Variants in APCDD1L observed in about 807,000 individuals in gnomAD.
The protein encoded by APCDD1L is protein APCDD1-like.
APCDD1L carries 21 observed loss-of-function variants against 24.2 expected under a neutral mutation model. The observed-to-expected ratio is 0.87, with a 90% CI of 0.61 to 1.25. APCDD1L has a LOEUF of 1.25. Ranked by LOEUF, APCDD1L falls within the 50% of genes most tolerant of loss-of-function variation. APCDD1L has a pLI of 0.00. For missense variants in APCDD1L, 704 were observed against 711.7 expected (o/e 0.99, Z 0.12); for synonymous variants, 321 against 323.6 (o/e 0.99, Z 0.09).
chr20:58,461,658 G>A lies in APCDD1L; in HGVS notation c.742-104C>T. 8.3e-7 allele frequency: 1 copy of A among 1,199,284 alleles called. No individual in the cohort carries two copies. Among genetic ancestry groups the A allele is most frequent in the South Asian group, 3.1e-5 (1 of 32,486 alleles). 74.3% of individuals were successfully genotyped at this position (1,199,284 alleles called of 1,614,324 possible). On this transcript the variant is annotated intron_variant, in intron 3 of 3. Coordinates refer to ENST00000371149, the MANE Select transcript of APCDD1L (RefSeq NM_153360.3). This position sits in a 1 kb window ranked among gnomAD's most constrained non-coding sequence, Gnocchi z 6.0. ...CTGTAGGGGTGTCAAGGCAGGGTGA[G>A]GTGCGGCCTGTCCCTCCCTCCTCTC...
At chr20:58,509,480 C>T (rs1478311863) in intron 1 of APCDD1L, among the ~76,000 whole-genome samples, 1 of 152,186 alleles carries the variant, frequency 6.6e-6, no homozygotes, top group East Asian at 1.9e-4. Context: ...GTTTCTTCAT[C>T]TGTCAAACGG....
At chr20:58,495,006 C>G (rs1238810003) in intron 1 of APCDD1L, among the ~76,000 whole-genome samples, 1 of 152,174 alleles carries the variant, frequency 6.6e-6, no homozygotes, top group Non-Finnish European at 1.5e-5. Context: ...TCCCCTGGAG[C>G]CTGCTGCCCC....
chr20:58,481,589 A>T (rs114733751), intron 1 of APCDD1L, among the ~76,000 whole-genome samples: 1 of 152,126 alleles, frequency 6.6e-6, no homozygotes, highest in African/African-American at 2.4e-5. Context: ...GACCTGCCCA[A>T]AGATGTCGGG....
chr20:58,483,835 G>A (rs1990070658), intron 1 of APCDD1L, among the ~76,000 whole-genome samples: 2 of 152,208 alleles, frequency 1.3e-5, no homozygotes, highest in Admixed American at 1.3e-4. Flanking sequence ...CACCTTGTAA[G>A]GTGAAGTGGG....
At chr20:58,502,749 C>A (rs1279654412) in intron 1 of APCDD1L, among the ~76,000 whole-genome samples, 2 of 151,192 alleles carry the variant, frequency 1.3e-5, no homozygotes, top group Admixed American at 1.3e-4. Context: ...AAGAAAAGAA[C>A]TTTCTAAGCA....
chr20:58,472,189 C>A (rs1420195067), intron 1 of APCDD1L, among the ~76,000 whole-genome samples: 3 of 152,122 alleles, frequency 2.0e-5, no homozygotes, highest in Admixed American at 2.0e-4. Context: ...TTTTGGGGTC[C>A]CCAGTGATCA....
At chr20:58,501,214 A>AAG (rs1990430921) in intron 1 of APCDD1L, among the ~76,000 whole-genome samples, 1 of 152,162 alleles carries the variant, frequency 6.6e-6, no homozygotes, top group South Asian at 2.1e-4. Flanking sequence ...TCTTGTTTGT[A>AAG]AGAGCCTCTG....
chr20:58,483,290 T>A (rs752090887), intron 1 of APCDD1L, among the ~76,000 whole-genome samples: 35 of 152,174 alleles, frequency 2.3e-4, no homozygotes, highest in Non-Finnish European at 3.8e-4. Flanking sequence ...GAGGGAGGCC[T>A]TGCTGCTGCT....
rs1019116167 is a variant in APCDD1L at position 58,467,093 on chromosome 20, C to T, written c.741+13G>A. 2.5e-6 allele frequency: 4 copies of T among 1,592,732 alleles called. No individual in the cohort carries two copies. The highest frequency in any genetic ancestry group is 2.6e-6 in the Non-Finnish European group (3 of 1,173,100). ...ACCACCCCCCTCTCCCACACCCCAA[C>T]ACACACACTCACCAGTGCGCTCTGC... On this transcript the variant is annotated intron_variant, in intron 3 of 3. Coordinates refer to ENST00000371149, the MANE Select transcript of APCDD1L (RefSeq NM_153360.3). The surrounding 1 kb of genome is among the most constrained non-coding windows in gnomAD (Gnocchi z 5.9).
chr20:58,496,849 G>A, intron 1 of APCDD1L, among the ~76,000 whole-genome samples: 1 of 152,198 alleles, frequency 6.6e-6, no homozygotes, highest in Non-Finnish European at 1.5e-5. Flanking sequence ...AGGGGGCCAG[G>A]CCAGGGTGGG....
Position 58,467,061 on chromosome 20 carries a change from C to G in APCDD1L, c.741+45G>C. ...GGGCTGGGTTCCGAGCTCGCCTCCCCGAGACCACCACCCCCCTCTCCCACA... is the reference window on the plus strand; with the variant it reads ...GGGCTGGGTTCCGAGCTCGCCTCCCGGAGACCACCACCCCCCTCTCCCACA... On this transcript the variant is annotated intron_variant, in intron 3 of 3. Transcript: ENST00000371149. This position sits in a 1 kb window ranked among gnomAD's most constrained non-coding sequence, Gnocchi z 5.9. The G allele has an allele frequency of 6.5e-7, 1 of 1,546,942 alleles. No homozygotes were observed. Among genetic ancestry groups the G allele is most frequent in the East Asian group, 2.4e-5 (1 of 41,668 alleles).
intron 1 of APCDD1L, among the ~76,000 whole-genome samples, chr20:58,498,335 C>T (rs1286861548): frequency 6.6e-6 from 1 of 152,062 alleles, no homozygotes; most frequent in Non-Finnish European, 1.5e-5. Context: ...CTGGTTGTGG[C>T]GTTGCTGAAA....
chr20:58,472,397 C>T (rs1388713340), intron 1 of APCDD1L, among the ~76,000 whole-genome samples: 1 of 152,226 alleles, frequency 6.6e-6, no homozygotes, highest in Admixed American at 6.5e-5. Flanking sequence ...CCACGGGGCA[C>T]ATGCCACCCG....
chr20:58,486,551 G>T (rs1270712950), intron 1 of APCDD1L, among the ~76,000 whole-genome samples: 1 of 152,138 alleles, frequency 6.6e-6, no homozygotes, highest in African/African-American at 2.4e-5. Flanking sequence ...GATGCAATTG[G>T]TGAAGAAAAT....
chr20:58,511,271 C>A (rs570683312), intron 1 of APCDD1L, among the ~76,000 whole-genome samples: 5 of 152,334 alleles, frequency 3.3e-5, no homozygotes, highest in African/African-American at 1.2e-4. Flanking sequence ...CAAGAGCCCC[C>A]CAACTCAACT....
In APCDD1L at chr20:58,494,304, CTCTCT is replaced by C. The variant is rs762710569; in HGVS notation, c.49+20350_49+20354del. Among the ~76,000 whole-genome samples the C allele has an allele frequency of 5.1e-4, 41 of 80,328 alleles. No homozygotes were observed. Among genetic ancestry groups the C allele is most frequent in the South Asian group, 1.2e-3 (3 of 2,462 alleles). 52.7% of individuals were successfully genotyped at this position (80,328 alleles called of 152,430 possible). A position where few individuals can be genotyped will look rare whatever the true frequency, so the allele number is the denominator to read the frequency against. ...TCTTTTCTTACTTTTCTTTTCTCTTCTCTCTTCTCTTCTCTTCTTTTCCTTTCCTT... is the reference window on the plus strand; with the variant it reads ...TCTTTTCTTACTTTTCTTTTCTCTTCTCTCTTCTCTTCTTTTCCTTTCCTT... On this transcript the variant is annotated intron_variant, in intron 1 of 3. Transcript: ENST00000371149. The surrounding 1 kb of genome is among the most constrained non-coding windows in gnomAD (Gnocchi z 4.8).
rs537216242 is a variant in APCDD1L, at chr20:58,480,940, G to A, written c.50-10193C>T. Among the ~76,000 whole-genome samples the A allele has an allele frequency of 3.9e-5, 6 of 152,336 alleles. No individual in the cohort carries two copies. In the East Asian group the frequency reaches 1.2e-3, roughly 29 times the overall value. On this transcript the variant is annotated intron_variant, in intron 1 of 3. Coordinates refer to ENST00000371149, the MANE Select transcript of APCDD1L (RefSeq NM_153360.3). ...GAAGCGTTTCCCTTTTCACCCAGAT[G>A]TTCCGGTGTTTTGGAGACAAGGCCT... is the stretch of plus-strand genomic sequence containing the variant.
rs769752179 is a variant in APCDD1L, at chr20:58,470,671, T to C, written c.126A>G (p.Pro42=). 4.9e-5 allele frequency: 76 copies of C among 1,564,960 alleles called. 1 individual carries two copies. In the East Asian group the frequency reaches 1.7e-3, roughly 35 times the overall value. ...GGATCGCAGTGCTGGGCACTCTATCTGGCAAGGGCTGCTGGCAGTGGGGTT... is the reference window on the plus strand; with the variant it reads ...GGATCGCAGTGCTGGGCACTCTATCCGGCAAGGGCTGCTGGCAGTGGGGTT... The part of the protein sequence containing the change: ...RWEPHCQQPL[P]DRVPSTAILP... The change falls in exon 2 of 4, where the codon CCA becomes CCG. Residue 42 remains proline, a synonymous_variant. Coordinates refer to ENST00000371149, the MANE Select transcript of APCDD1L (RefSeq NM_153360.3).
chr20:58,513,856 C>G, intron 1 of APCDD1L: 1 of 1,298,416 alleles, frequency 7.7e-7, no homozygotes, highest in South Asian at 1.2e-5. Context: ...ATCTGGGCTT[C>G]CCAGCCAGGT....
Sources: allele counts gnomAD v4.1 joint callset (sites outside exome capture counted in the v4.1 genomes callset), GRCh38; gene constraint gnomAD v4.1.1; non-coding constraint Gnocchi (gnomAD v3.1); transcripts MANE v1.5; gene names NCBI Gene and HGNC (gene_info 2026-07-23, HGNC 2026-07-21).